PLK4: variants seen among roughly 807,000 people sequenced by gnomAD.
PLK4 encodes the protein polo like kinase 4.
Under a neutral mutation model 103.0 loss-of-function variants are expected in PLK4, and 51 were observed. That is an observed-to-expected ratio of 0.50 (90% confidence interval 0.40 to 0.63). The LOEUF (loss-of-function observed/expected upper bound fraction) is 0.63, where lower values mean the gene tolerates loss of function less well. Ranked by LOEUF, PLK4 falls within the 20% of genes least tolerant of loss-of-function variation. PLK4 has a pLI of 0.00. For missense variants in PLK4, 1,054 were observed against 1,151.0 expected (o/e 0.92, Z 1.22); for synonymous variants, 389 against 376.8 (o/e 1.03, Z -0.38).
chr4:127,895,882 A>AGC (rs1314578686), intron 14 of PLK4, among the ~76,000 whole-genome samples: 1 of 152,216 alleles, frequency 6.6e-6, no homozygotes, highest in African/African-American at 2.4e-5. Flanking sequence ...TGGGCAACAA[A>AGC]GCAAGACCCC....
intron 13 of PLK4, among the ~76,000 whole-genome samples, chr4:127,894,455 C>A (rs1327342346): frequency 6.6e-6 from 1 of 151,796 alleles, no homozygotes; most frequent in Non-Finnish European, 1.5e-5. Flanking sequence ...GTCTCAATCT[C>A]CTGAACTTGT....
intron 10 of PLK4, 156 bp downstream of exon 10, chr4:127,892,670 A>G (rs1278718999): frequency 1.9e-6 from 1 of 532,356 alleles, no homozygotes; most frequent in Non-Finnish European, 3.3e-6. Context: ...ATGTCAAATC[A>G]TATTAATCAA....
At chr4:127,886,971 C>T (rs1735161591) in intron 5 of PLK4, among the ~76,000 whole-genome samples, 1 of 151,948 alleles carries the variant, frequency 6.6e-6, no homozygotes, top group Non-Finnish European at 1.5e-5. Context: ...TGGAGTGAGT[C>T]TCCAGTGCAA....
chr4:127,885,508 T>C (rs1735087686), intron 4 of PLK4, among the ~76,000 whole-genome samples, 200 bp from the exon 5 acceptor site: 1 of 148,488 alleles, frequency 6.7e-6, no homozygotes, highest in East Asian at 2.0e-4. Flanking sequence ...AAGGTTAATA[T>C]GATCTCTTTA....
At chr4:127,889,747 T>C (rs1735276014) in intron 6 of PLK4, 119 bp from the exon 7 acceptor site, 2 of 725,566 alleles carry the variant, frequency 2.8e-6, no homozygotes, top group Admixed American at 3.1e-5. Flanking sequence ...TATTGTTTTG[T>C]TTTTTGTAAC....
At chr4:127,882,994 G>A (rs1272660260) in intron 2 of PLK4, among the ~76,000 whole-genome samples, 1 of 98,292 alleles carries the variant, frequency 1.0e-5, no homozygotes, top group Non-Finnish European at 2.5e-5. Flanking sequence ...CCTGAATTGG[G>A]ATTTTTTTTT....
At chr4:127,896,726 G>A in intron 14 of PLK4, 75 bp from the exon 15 acceptor site, 1 of 767,966 alleles carries the variant, frequency 1.3e-6, no homozygotes, top group Non-Finnish European at 2.2e-6. Flanking sequence ...CTACTGTATA[G>A]TAATTTTGTG....
At chr4:127,885,652 T>C in intron 4 of PLK4, 56 bp from the exon 5 acceptor site, 1 of 1,309,492 alleles carries the variant, frequency 7.6e-7, no homozygotes, top group Non-Finnish European at 1.1e-6. Flanking sequence ...AAATACTAGA[T>C]ACTGAATCTT....
chr4:127,895,487 A>G (rs1388865895), intron 14 of PLK4, among the ~76,000 whole-genome samples: 2 of 122,416 alleles, frequency 1.6e-5, no homozygotes, highest in South Asian at 4.7e-4. Flanking sequence ...TTTTGAGACA[A>G]AGTCTCACAC....
At chr4:127,881,746 C>T in intron 1 of PLK4, 85 bp from the exon 2 acceptor site, 1 of 820,770 alleles carries the variant, frequency 1.2e-6, no homozygotes, top group East Asian at 2.6e-5. Flanking sequence ...CCCACTCGAT[C>T]CATTTTATCT....
chr4:127,885,191 T>C (rs1735071418), intron 4 of PLK4, among the ~76,000 whole-genome samples: 1 of 151,746 alleles, frequency 6.6e-6, no homozygotes, highest in African/African-American at 2.4e-5. Context: ...TAAAGGTTAA[T>C]ATGATAGGCC....
At chr4:127,884,284 C>G (rs888636324) in intron 4 of PLK4, among the ~76,000 whole-genome samples, 1 of 152,180 alleles carries the variant, frequency 6.6e-6, no homozygotes, top group Non-Finnish European at 1.5e-5. Context: ...AGATTACAGA[C>G]AAGCTAACAG....
chr4:127,883,452 T>C lies in PLK4; in HGVS notation c.236T>C (p.Phe79Ser). The C allele has an allele frequency of 6.7e-7, 1 of 1,494,894 alleles. No homozygotes were observed. Among genetic ancestry groups the C allele is most frequent in the Non-Finnish European group, 9.3e-7 (1 of 1,073,344 alleles). 92.6% of individuals were successfully genotyped at this position (1,494,894 alleles called of 1,614,324 possible). A position where few individuals can be genotyped will look rare whatever the true frequency, so the allele number is the denominator to read the frequency against. ...HPSILELYNY[F>S]EDSNYVYLVL... ...TTCACATTTCAGCTTTATAACTATTTTGAAGATAGCAATTATGTGTATCTG... is the reference window on the plus strand; with the variant it reads ...TTCACATTTCAGCTTTATAACTATTCTGAAGATAGCAATTATGTGTATCTG... The change falls in exon 4 of 16, where the codon TTT becomes TCT. Residue 79 changes from phenylalanine to serine, a missense_variant. This residue lies in a region of PLK4 where 199 missense variants were observed against 270.1 expected (regional missense o/e 0.74). Transcript: ENST00000270861.
intron 13 of PLK4, 77 bp from the exon 14 acceptor site, chr4:127,894,876 A>T: frequency 1.0e-6 from 1 of 966,838 alleles, no homozygotes; most frequent in Non-Finnish European, 1.5e-6. Context: ...GAAAAATCTC[A>T]TAATTGTCTG....
At chr4:127,881,389 G>A (rs1246495689) in intron 1 of PLK4, 7 of 1,424,818 alleles carry the variant, frequency 4.9e-6, no homozygotes, top group African/African-American at 1.4e-5. Flanking sequence ...CTCCCCGCCC[G>A]GCAGTGTCCC....
At chr4:127,886,800 T>A in intron 5 of PLK4, 72 bp downstream of exon 5, 2 of 865,552 alleles carry the variant, frequency 2.3e-6, no homozygotes, top group Non-Finnish European at 3.5e-6. Context: ...AAGCTGCATG[T>A]AAGCGGGGGG....
At chr4:127,890,631 A>G (rs1455443332) in intron 7 of PLK4, among the ~76,000 whole-genome samples, 3 of 152,162 alleles carry the variant, frequency 2.0e-5, no homozygotes, top group Non-Finnish European at 4.4e-5. Flanking sequence ...AAACTGGAAA[A>G]TATAACTTTT....
intron 1 of PLK4, chr4:127,881,408 G>A: frequency 7.1e-7 from 1 of 1,412,902 alleles, no homozygotes; most frequent in Non-Finnish European, 9.2e-7. Context: ...CCGAGGCACT[G>A]CGGCTTTCTT....
Position 127,886,312 on chromosome 4 carries a change from T to A in PLK4, c.942T>A (p.Ile314=), listed in dbSNP as rs765211820. The change falls in exon 5 of 16, where the codon ATT becomes ATA. Residue 314 remains isoleucine (I), a synonymous_variant. Transcript: ENST00000270861. ...TATTTGACAAAAGAAGACTTTTGAT[T>A]GGTCAGCCACTCCCAAATAAAATGA... ...GSLFDKRRLL[I]GQPLPNKMTV... 1.2e-6 allele frequency: 2 copies of A among 1,613,968 alleles called. No individual in the cohort carries two copies. Among genetic ancestry groups the A allele is most frequent in the Non-Finnish European group, 8.5e-7 (1 of 1,179,946 alleles).
Sources: gnomAD v4.1 joint callset for allele counts (sites outside exome capture counted in the v4.1 genomes callset) on GRCh38, gnomAD v4.1.1 for gene constraint, gnomAD v4.1.1 regional missense constraint, MANE v1.5 for transcripts, NCBI Gene and HGNC (gene_info 2026-07-23, HGNC 2026-07-21) for gene names.